The following CYP4F22 variants were observed in gnomAD, a reference collection of about 807,000 sequenced individuals.
The protein encoded by CYP4F22 is ultra-long-chain fatty acid omega-hydroxylase.
CYP4F22 carries 37 observed loss-of-function variants against 60.4 expected under a neutral mutation model. That is an observed-to-expected ratio of 0.61 (90% CI 0.47 to 0.81). The LOEUF (loss-of-function observed/expected upper bound fraction) is 0.81. Ranked by LOEUF, CYP4F22 falls within the 30% of genes least tolerant of loss-of-function variation. CYP4F22 has a pLI of 0.00. For missense variants in CYP4F22, 655 were observed against 715.0 expected (o/e 0.92, Z 0.96); for synonymous variants, 258 against 280.5 (o/e 0.92, Z 0.80).
At chr19:15,510,966 A>ATATTTTTTT (rs34055543) in intron 1 of CYP4F22, among the ~76,000 whole-genome samples, 1 of 103,304 alleles carries the variant, frequency 9.7e-6, no homozygotes, top group Non-Finnish European at 1.8e-5. Flanking sequence ...ATATATATAT[A>ATATTTTTTT]TTTTTTTTTT....
At chr19:15,550,628 T>A in intron 12 of CYP4F22, 46 bp from the exon 13 acceptor site, 1 of 1,594,680 alleles carries the variant, frequency 6.3e-7, no homozygotes, top group Non-Finnish European at 8.6e-7. Context: ...CAGGCTGGGA[T>A]GTCTGGGGCA....
rs775751524 is a variant in CYP4F22 at position 15,540,476 on chromosome 19, T to G, written c.698T>G (p.Ile233Ser). The change falls in exon 8 of 14, where the codon ATC becomes AGC. Residue 233 changes from isoleucine (I) to serine (S), a missense_variant. Coordinates refer to ENST00000269703, the MANE Select transcript of CYP4F22 (RefSeq NM_173483.4). ...QEKMSDYISA[I>S]IELSALSVRR... ...AAGATGAGTGATTATATCTCCGCTA[T>G]CATTGAACTGAGCGCTCTGTCTGTC... is the stretch of plus-strand genomic sequence containing the variant. 1 of 1,614,216 alleles carries G rather than the reference T, an allele frequency of 6.2e-7. No individual in the cohort carries two copies. Among genetic ancestry groups the G allele is most frequent in the South Asian group, 1.1e-5 (1 of 91,084 alleles).
intron 1 of CYP4F22, among the ~76,000 whole-genome samples, chr19:15,519,720 A>T (rs1971198969): frequency 6.6e-6 from 1 of 152,030 alleles, no homozygotes; most frequent in Admixed American, 6.6e-5. Context: ...CTGGAATGGG[A>T]CTGAACTGCA....
chr19:15,537,274 C>T, intron 4 of CYP4F22, 87 bp from the exon 5 acceptor site: 1 of 1,563,154 alleles, frequency 6.4e-7, no homozygotes, highest in Non-Finnish European at 8.8e-7. Flanking sequence ...GCACTCCAGC[C>T]TGGATGACAG....
At chr19:15,543,023 G>A (rs113784948) in intron 8 of CYP4F22, among the ~76,000 whole-genome samples, 2,956 of 152,196 alleles carry the variant, frequency 0.019, 90 homozygotes, top group African/African-American at 0.067. Flanking sequence ...ATATGTGTGC[G>A]TGTATCTTTA....
chr19:15,543,858 GAAAA>G (rs573134093), intron 8 of CYP4F22, 109 bp from the exon 9 acceptor site: 4,464 of 840,840 alleles, frequency 5.3e-3, no homozygotes, highest in East Asian at 7.9e-3. Flanking sequence ...CTCCATCTCA[GAAAA>G]AAAAAAAAAA....
chr19:15,545,954 C>T (rs999229710), intron 10 of CYP4F22, among the ~76,000 whole-genome samples: 2 of 152,024 alleles, frequency 1.3e-5, no homozygotes, highest in Non-Finnish European at 2.9e-5. Context: ...TGGATGAATA[C>T]CTTTATGCCA....
At chr19:15,549,450 C>T (rs139424388) in intron 12 of CYP4F22, among the ~76,000 whole-genome samples, 2 of 152,194 alleles carry the variant, frequency 1.3e-5, no homozygotes, top group Non-Finnish European at 2.9e-5. Flanking sequence ...CTTTACAGGG[C>T]TCACAGTGAA....
At chr19:15,525,621 G>T in intron 3 of CYP4F22, 63 bp downstream of exon 3, 1 of 1,506,598 alleles carries the variant, frequency 6.6e-7, no homozygotes, top group East Asian at 2.4e-5. Context: ...AATAGGTAGG[G>T]ATGGTGGGCC....
chr19:15,541,790 G>A (rs1334248095), intron 8 of CYP4F22, among the ~76,000 whole-genome samples: 2 of 144,668 alleles, frequency 1.4e-5, no homozygotes, highest in Non-Finnish European at 3.0e-5. Flanking sequence ...TGAGGCAAAA[G>A]AATCACTTGA....
At chr19:15,547,282 T>C (rs75274828) in intron 10 of CYP4F22, among the ~76,000 whole-genome samples, 5,491 of 151,520 alleles carry the variant, frequency 0.036, 308 homozygotes, top group African/African-American at 0.13. Flanking sequence ...TCTCAGCCTC[T>C]GCAAGTGCTG....
At chr19:15,530,612 C>A (rs1230308891) in intron 4 of CYP4F22, among the ~76,000 whole-genome samples, 1 of 152,110 alleles carries the variant, frequency 6.6e-6, no homozygotes, top group Admixed American at 6.6e-5. Flanking sequence ...ACTCACAGTT[C>A]CGCAGGGCTG....
At chr19:15,539,427 T>C (rs952075082) in intron 7 of CYP4F22, among the ~76,000 whole-genome samples, 3 of 152,250 alleles carry the variant, frequency 2.0e-5, no homozygotes, top group Non-Finnish European at 4.4e-5. Flanking sequence ...ACATTTTGTT[T>C]ATCCAGTCAC....
intron 3 of CYP4F22, among the ~76,000 whole-genome samples, chr19:15,528,514 C>T (rs1421759390): frequency 1.3e-5 from 2 of 152,104 alleles, no homozygotes; most frequent in South Asian, 2.1e-4. Context: ...CCAGTGGGAC[C>T]GAGCCCTGGT....
Position 15,529,442 on chromosome 19 carries a change from A to C in CYP4F22, c.223-267A>C, listed in dbSNP as rs996152232. On this transcript the variant is annotated intron_variant, in intron 3 of 13. Transcript: ENST00000269703. ...CTACACTTGGCTACTATTTTTAGCT[A>C]TTGAACATCAGCCATGGGTCAGGCC... is the stretch of plus-strand genomic sequence containing the variant. 3.3e-5 allele frequency among the ~76,000 whole-genome samples: 5 copies of C among 152,176 alleles called. 1 individual carries two copies. The South Asian group carries it at 1.0e-3, about 32-fold the overall frequency.
Position 15,540,631 on chromosome 19 carries a change from G to A in CYP4F22, c.853G>A (p.Ala285Thr). 1 of 1,614,252 alleles carries A rather than the reference G, an allele frequency of 6.2e-7. No homozygotes were observed. The highest frequency in any genetic ancestry group is 8.5e-7 in the Non-Finnish European group (1 of 1,180,052). ...TGAAGTCATCCAGGAACGGCGGCGG[G>A]CACTGCGTCAGCAGGGGGCCGAGGC... is the stretch of plus-strand genomic sequence containing the variant. ...TTEVIQERRR[A>T]LRQQGAEAWL... The change falls in exon 8 of 14, where the codon GCA (alanine) becomes ACA (threonine). Residue 285 changes from alanine to threonine, a missense_variant. This residue lies in a region of CYP4F22 where 430 missense variants were observed against 457.1 expected (regional missense o/e 0.94). Transcript: ENST00000269703.
chr19:15,540,714 C>T lies in CYP4F22; in HGVS notation c.936C>T (p.Ala312=). The T allele has an allele frequency of 6.8e-7, 1 of 1,473,796 alleles. No individual in the cohort carries two copies. The highest frequency in any genetic ancestry group is 2.7e-5 in the East Asian group (1 of 37,370). The allele number at this position is 1,473,796 out of a possible 1,614,324, so 91.3% of individuals were successfully genotyped here. The change falls in exon 8 of 14, where the codon GCC becomes GCT. Residue 312 remains alanine (A), a synonymous_variant. Transcript: ENST00000269703. ...ACTTTATTGATGTGCTGCTCCTGGC[C>T]AGGGTGAGGCTGGGCCCCCTGGAAT... ...TLDFIDVLLL[A]RDEDGKELSD...
chr19:15,517,326 G>A (rs1258772507), intron 1 of CYP4F22, among the ~76,000 whole-genome samples: 1 of 152,224 alleles, frequency 6.6e-6, no homozygotes, highest in Non-Finnish European at 1.5e-5. Context: ...AGAAACTGGA[G>A]GCTTCCAGAG....
chr19:15,513,189 T>G lies in CYP4F22; in HGVS notation c.-109+4606T>G, dbSNP rs559030153. On this transcript the variant is annotated intron_variant, in intron 1 of 13. Coordinates refer to ENST00000269703, the MANE Select transcript of CYP4F22 (RefSeq NM_173483.4). ...ACACACTTCTTTTTTCATTTTTATT[T>G]TTTTGAGACGGAATCTCGCTTTGTG... Among the ~76,000 whole-genome samples, 10 of 151,920 alleles carry G rather than the reference T, an allele frequency of 6.6e-5. No homozygotes were observed. In the South Asian group the frequency reaches 1.7e-3, roughly 25 times the overall value.
Sources: gnomAD v4.1 joint callset for allele counts (sites outside exome capture counted in the v4.1 genomes callset) on GRCh38, gnomAD v4.1.1 for gene constraint, gnomAD v4.1.1 regional missense constraint, MANE v1.5 for transcripts, NCBI Gene and HGNC (gene_info 2026-07-23, HGNC 2026-07-21) for gene names.